The following MRTFB variants were observed in gnomAD, a reference collection of about 807,000 sequenced individuals.
MRTFB encodes the protein myocardin-related transcription factor B.
In MRTFB, 29 loss-of-function variants were observed where a neutral mutation model predicts 104.2. The ratio of observed to expected loss-of-function variants is 0.28; its 90% confidence interval spans 0.21 to 0.38. MRTFB has a LOEUF of 0.38. Ranked by LOEUF, MRTFB falls within the 10% of genes least tolerant of loss-of-function variation. The pLI, the probability that MRTFB is intolerant of heterozygous loss-of-function variation, is 1.00. For missense variants in MRTFB, 1,270 were observed against 1,341.6 expected (o/e 0.95, Z 0.83); for synonymous variants, 535 against 519.5 (o/e 1.03, Z -0.41).
intron 3 of MRTFB, among the ~76,000 whole-genome samples, chr16:14,167,247 C>T (rs1288677633): frequency 6.6e-6 from 1 of 152,162 alleles, no homozygotes; most frequent in South Asian, 2.1e-4. Flanking sequence ...TTGCATTTCT[C>T]TAATGATCAG....
At chr16:14,230,965 G>C (rs1317257689) in intron 8 of MRTFB, among the ~76,000 whole-genome samples, 1 of 151,558 alleles carries the variant, frequency 6.6e-6, no homozygotes, top group Non-Finnish European at 1.5e-5. Flanking sequence ...AAAAAATGAT[G>C]AGTTCATGTC....
intron 2 of MRTFB, among the ~76,000 whole-genome samples, chr16:14,113,336 G>A (rs983381837): frequency 7.2e-5 from 11 of 152,220 alleles, no homozygotes; most frequent in African/African-American, 1.9e-4. Context: ...GAGCCACCAC[G>A]CCCAGCCTAT....
chr16:14,122,223 A>G (rs1285271456), intron 2 of MRTFB, among the ~76,000 whole-genome samples: 1 of 145,748 alleles, frequency 6.9e-6, no homozygotes, highest in Non-Finnish European at 1.5e-5. Flanking sequence ...TTCCCCTTTC[A>G]GTACATATGG....
intron 3 of MRTFB, among the ~76,000 whole-genome samples, chr16:14,168,217 A>ATGTGTGTG (rs61205256): frequency 0.035 from 5,235 of 148,070 alleles, 125 homozygotes; most frequent in Middle Eastern, 0.075. Context: ...TAAAGATAAA[A>ATGTGTGTG]TGTGTGTGTG....
At position 14,101,880 on chromosome 16, in the gene MRTFB, G is replaced by A. The variant is rs1029845607; in HGVS notation, c.-64+22526G>A. 9.9e-5 allele frequency among the ~76,000 whole-genome samples: 15 copies of A among 152,134 alleles called. 1 individual carries two copies. Among genetic ancestry groups the A allele is most frequent in the Admixed American group, 9.8e-4 (15 of 15,274 alleles). On this transcript the variant is annotated intron_variant, in intron 2 of 16. Transcript: ENST00000571589. ...TTCTATGATTTTTTAAATAAGTGGA[G>A]TGAAACCAGCCTAATGTAATAACAT... is the stretch of plus-strand genomic sequence containing the variant.
chr16:14,127,354 T>G (rs928112722), intron 2 of MRTFB, among the ~76,000 whole-genome samples: 1 of 152,136 alleles, frequency 6.6e-6, no homozygotes, highest in Non-Finnish European at 1.5e-5. Context: ...CATTCACACA[T>G]TCAAAGATAA....
chr16:14,153,726 C>G (rs1279427905), intron 3 of MRTFB, among the ~76,000 whole-genome samples: 1 of 152,162 alleles, frequency 6.6e-6, no homozygotes, highest in Non-Finnish European at 1.5e-5. Context: ...AAAATAAATT[C>G]TCTCATGAAA....
chr16:14,017,647 A>ATATGTATATGTG, the MRTFB span, among the ~76,000 whole-genome samples: 2 of 58,934 alleles, frequency 3.4e-5, no homozygotes, highest in Admixed American at 2.2e-4. Context: ...ATATGTATAT[A>ATATGTATATGTG]TGTGTGTGTG....
the MRTFB span, among the ~76,000 whole-genome samples, chr16:14,042,272 C>T: frequency 1.3e-5 from 2 of 151,994 alleles, no homozygotes; most frequent in African/African-American, 4.8e-5. Flanking sequence ...ATTACAGGCA[C>T]CCGCCACCAC....
chr16:14,238,924 T>C (rs1403909199), intron 9 of MRTFB, among the ~76,000 whole-genome samples: 4 of 152,210 alleles, frequency 2.6e-5, no homozygotes, highest in Admixed American at 6.5e-5. Flanking sequence ...AATAACTGGC[T>C]GGGCTCAGAG....
chr16:14,120,114 CTTGT>C, intron 2 of MRTFB, among the ~76,000 whole-genome samples: 3 of 152,150 alleles, frequency 2.0e-5, no homozygotes, highest in Non-Finnish European at 2.9e-5. Flanking sequence ...TCTTTTGGGG[CTTGT>C]CAGATTTTCT....
rs1031195761 is a variant in MRTFB at position 14,251,916 on chromosome 16, G to T, written c.2458G>T (p.Ala820Ser). 4 of 1,614,002 alleles carry T rather than the reference G, an allele frequency of 2.5e-6. No homozygotes were observed. Among genetic ancestry groups the T allele is most frequent in the Non-Finnish European group, 3.4e-6 (4 of 1,180,026 alleles). Residue 820 changes from alanine to serine, a missense_variant, in exon 14 of 17, where the codon GCC (alanine) becomes TCC (serine). This residue lies in a region of MRTFB where 1,144 missense variants were observed against 1,131.5 expected (regional missense o/e 1.01). Coordinates refer to ENST00000571589, the MANE Select transcript of MRTFB (RefSeq NM_001308142.2). ...AGTTCTTCCATATCAGAGACATCCT[G>T]CCCCAGCTGTCCAGCAGCCCTTTAT... The part of the protein sequence containing the change: ...NTVLPYQRHP[A>S]PAVQQPFINK...
At chr16:14,037,409 G>T in the MRTFB span, among the ~76,000 whole-genome samples, 1 of 152,186 alleles carries the variant, frequency 6.6e-6, no homozygotes, top group Admixed American at 6.5e-5. Context: ...TTTAAGTGTT[G>T]AGGAGACACC....
chr16:14,142,245 C>CTTTTTTTTTTTTTTT lies in MRTFB; in HGVS notation c.154+1490_154+1504dup, dbSNP rs71999049. ...CTTTTAAACCTTCCATCTTTTCTTT[C>CTTTTTTTTTTTTTTT]TTTTTTTTTTTTTTTTTTTGAGACG... On this transcript the variant is annotated intron_variant, in intron 3 of 16. Transcript: ENST00000571589. 5.7e-5 allele frequency: 7 copies of CTTTTTTTTTTTTTTT among 122,178 alleles called. No individual in the cohort carries two copies. In the East Asian group the frequency reaches 7.8e-4, roughly 14 times the overall value. 7.6% of individuals were successfully genotyped at this position (122,178 alleles called of 1,614,324 possible). A position where few individuals can be genotyped will look rare whatever the true frequency, so the allele number is the denominator to read the frequency against.
chr16:14,236,535 G>A (rs1432132422), intron 9 of MRTFB, among the ~76,000 whole-genome samples: 43 of 152,170 alleles, frequency 2.8e-4, no homozygotes, highest in Non-Finnish European at 8.8e-5. Context: ...GATGATGGGG[G>A]TGCTGGGGAG....
intron 3 of MRTFB, among the ~76,000 whole-genome samples, chr16:14,187,227 G>A (rs1027654366): frequency 6.6e-6 from 1 of 152,186 alleles, no homozygotes; most frequent in Non-Finnish European, 1.5e-5. Context: ...ATTAGCTGAT[G>A]GAACTGTAGG....
chr16:14,123,110 C>G (rs552517595), intron 2 of MRTFB, among the ~76,000 whole-genome samples: 1 of 152,180 alleles, frequency 6.6e-6, no homozygotes, highest in African/African-American at 2.4e-5. Context: ...TGTCGGTTCA[C>G]ACCCTTTGCT....
intron 13 of MRTFB, among the ~76,000 whole-genome samples, chr16:14,251,376 C>CA (rs776143724): frequency 0.037 from 1,600 of 43,678 alleles, 56 homozygotes; most frequent in Non-Finnish European, 0.048. Context: ...GACTCCGTCT[C>CA]AAAAAAAAAA....
At chr16:14,067,738 T>C (rs1234121624), upstream of MRTFB, among the ~76,000 whole-genome samples, 1 of 152,212 alleles carries the variant, frequency 6.6e-6, no homozygotes, top group African/African-American at 2.4e-5. Flanking sequence ...CTTTCATGAC[T>C]AGGGGGAAGT....
Sources: allele counts gnomAD v4.1 joint callset (sites outside exome capture counted in the v4.1 genomes callset), GRCh38; gene constraint gnomAD v4.1.1; regional missense constraint gnomAD v4.1.1; transcripts MANE v1.5; gene names NCBI Gene and HGNC (gene_info 2026-07-23, HGNC 2026-07-21).